The following CMTM4 variants were observed in gnomAD, a reference collection of about 807,000 sequenced individuals.
CMTM4 encodes CKLF like MARVEL transmembrane domain containing 4, also known as CKLF-like MARVEL transmembrane domain-containing protein 4.
CMTM4 carries 8 observed loss-of-function variants against 19.0 expected under a neutral mutation model. The observed-to-expected ratio is 0.42, with a 90% CI of 0.25 to 0.76. The LOEUF (loss-of-function observed/expected upper bound fraction) is 0.76. Among genes scored for constraint, CMTM4 ranks in the 30% least tolerant of loss-of-function variants. The pLI is 0.27. For missense variants in CMTM4, 228 were observed against 290.2 expected, an observed-to-expected ratio of 0.79 and a Z score of 1.56; for synonymous variants, 106 against 121.1, an observed-to-expected ratio of 0.88 and a Z score of 0.82.
At chr16:66,629,628 C>T (rs2015810524) in intron 2 of CMTM4, among the ~76,000 whole-genome samples, 1 of 152,118 alleles carries the variant, frequency 6.6e-6, no homozygotes, top group Admixed American at 6.5e-5. Flanking sequence ...AACGAAGTGA[C>T]TTTTGTGGGA....
intron 1 of CMTM4, among the ~76,000 whole-genome samples, chr16:66,659,122 G>A (rs1464790943): frequency 2.0e-5 from 3 of 152,168 alleles, no homozygotes; most frequent in Non-Finnish European, 4.4e-5. Context: ...GCTCACACCT[G>A]TAATCCCAGC....
intron 1 of CMTM4, among the ~76,000 whole-genome samples, chr16:66,669,690 C>T (rs1317915695): frequency 3.3e-5 from 5 of 152,188 alleles, no homozygotes; most frequent in Non-Finnish European, 5.9e-5. Context: ...TACAGACACT[C>T]GCTACCATGC....
At chr16:66,625,359 G>A (rs954113699) in intron 2 of CMTM4, among the ~76,000 whole-genome samples, 8 of 151,944 alleles carry the variant, frequency 5.3e-5, no homozygotes, top group Non-Finnish European at 8.8e-5. Flanking sequence ...GCTGGAACCC[G>A]GGAGGCGGAG....
At position 66,620,670 on chromosome 16, in the gene CMTM4, T is replaced by C; in HGVS notation, c.*1388A>G. On this transcript the variant is annotated 3_prime_UTR_variant, in exon 4 of 4. Coordinates refer to ENST00000394106, the MANE Select transcript of CMTM4 (RefSeq NM_181521.3). ...CTTGATCTTGGGGATTTCTCCATGT[T>C]ACTGCAAAATCTTCCTGCCACAGTA... 1 of 985,846 alleles carries C rather than the reference T, an allele frequency of 1.0e-6. No individual in the cohort carries two copies. The highest frequency in any genetic ancestry group is 1.2e-6 in the Non-Finnish European group (1 of 829,944). The allele number at this position is 985,846 out of a possible 1,614,324, so 61.1% of individuals were successfully genotyped here.
chr16:66,671,039 A>AT (rs1196091598), intron 1 of CMTM4, among the ~76,000 whole-genome samples: 1 of 152,110 alleles, frequency 6.6e-6, no homozygotes, highest in Admixed American at 6.6e-5. Context: ...AGGGACACAA[A>AT]TTTTTTTGTA....
At chr16:66,655,229 C>T (rs1206118326) in intron 1 of CMTM4, among the ~76,000 whole-genome samples, 1 of 152,094 alleles carries the variant, frequency 6.6e-6, no homozygotes. Context: ...CCTCGGCCTC[C>T]CAAAGTGCTG....
intron 1 of CMTM4, among the ~76,000 whole-genome samples, chr16:66,642,612 A>T (rs970199103): frequency 1.3e-5 from 2 of 152,148 alleles, no homozygotes; most frequent in African/African-American, 2.4e-5. Context: ...GCTAGGCAGG[A>T]GGCTGAGGCA....
At position 66,686,546 on chromosome 16, in the gene CMTM4, C is replaced by CAA. The variant is rs35913878; in HGVS notation, c.186+9792_186+9793dup. On this transcript the variant is annotated intron_variant, in intron 1 of 3. Coordinates refer to ENST00000394106, the MANE Select transcript of CMTM4 (RefSeq NM_181521.3). ...CCTGGGTGACAGTCAGACTCTGTCT[C>CAA]AAAAAAAAAAAAAAAAAAAAAGTTC... Among the ~76,000 whole-genome samples, 684 of 86,662 alleles carry CAA rather than the reference C, an allele frequency of 7.9e-3. 10 individuals are homozygous for CAA. Among genetic ancestry groups the CAA allele is most frequent in the African/African-American group, 9.0e-3 (179 of 19,986 alleles). 56.9% of individuals were successfully genotyped at this position (86,662 alleles called of 152,430 possible). A position where few individuals can be genotyped will look rare whatever the true frequency, so the allele number is the denominator to read the frequency against.
At chr16:66,654,669 C>A (rs1222994781) in intron 1 of CMTM4, among the ~76,000 whole-genome samples, 1 of 152,198 alleles carries the variant, frequency 6.6e-6, no homozygotes, top group South Asian at 2.1e-4. Context: ...GCCCGTGATC[C>A]CAGCTCTGCC....
intron 1 of CMTM4, among the ~76,000 whole-genome samples, chr16:66,691,558 A>G (rs748699637): frequency 1.3e-5 from 2 of 152,112 alleles, no homozygotes; most frequent in Non-Finnish European, 2.9e-5. Context: ...AAAATTAGCT[A>G]GGCATAGTGG....
intron 1 of CMTM4, among the ~76,000 whole-genome samples, chr16:66,681,152 G>A (rs1455870257): frequency 6.6e-6 from 1 of 152,054 alleles, no homozygotes. Flanking sequence ...TACTTTGGGA[G>A]GCTGAGGCAG....
Position 66,619,989 on chromosome 16 carries a change from GC to G in CMTM4, c.*2068del. 1 of 985,368 alleles carries G rather than the reference GC, an allele frequency of 1.0e-6. No individual in the cohort carries two copies. The highest frequency in any genetic ancestry group is 1.2e-6 in the Non-Finnish European group (1 of 829,918). 61.0% of individuals were successfully genotyped at this position (985,368 alleles called of 1,614,324 possible). ...CATATCCTCAGGAGGCCAACCACCT[GC>G]CCCCCTCTTTCACCAGATGATCAAG... On this transcript the variant is annotated 3_prime_UTR_variant, in exon 4 of 4. Transcript: ENST00000394106.
intron 1 of CMTM4, among the ~76,000 whole-genome samples, chr16:66,655,611 A>G (rs1415448047): frequency 6.6e-6 from 1 of 151,542 alleles, no homozygotes; most frequent in African/African-American, 2.4e-5. Flanking sequence ...TATACGAGAT[A>G]TAAGATCCAA....
intron 2 of CMTM4, among the ~76,000 whole-genome samples, chr16:66,632,680 G>A (rs1458741348): frequency 6.6e-6 from 1 of 152,076 alleles, no homozygotes; most frequent in Non-Finnish European, 1.5e-5. Flanking sequence ...ACGCCTTTTA[G>A]ATAGCGCCAC....
chr16:66,609,220 C>T, the CMTM4 span, among the ~76,000 whole-genome samples: 3 of 152,222 alleles, frequency 2.0e-5, no homozygotes, highest in Admixed American at 6.5e-5. This position sits in a 1 kb window ranked among gnomAD's most constrained non-coding sequence, Gnocchi z 4.4. Context: ...ACAGCAGCCC[C>T]GCTGGACCCG....
intron 1 of CMTM4, among the ~76,000 whole-genome samples, chr16:66,665,473 G>A (rs780247619): frequency 2.2e-4 from 33 of 152,126 alleles, no homozygotes; most frequent in Non-Finnish European, 3.2e-4. Flanking sequence ...GTCTGGGCAC[G>A]GTGGCTCACA....
intron 1 of CMTM4, among the ~76,000 whole-genome samples, chr16:66,644,534 T>C (rs2016154523): frequency 6.6e-6 from 1 of 152,258 alleles, no homozygotes; most frequent in South Asian, 2.1e-4. Flanking sequence ...CTTTGTCATT[T>C]AGTGTGTTTC....
intron 1 of CMTM4, among the ~76,000 whole-genome samples, chr16:66,685,977 G>A (rs570122991): frequency 6.6e-4 from 101 of 152,260 alleles, no homozygotes; most frequent in African/African-American, 2.3e-3. Flanking sequence ...TTCTGGAGCC[G>A]GGCATGGTGG....
intron 1 of CMTM4, among the ~76,000 whole-genome samples, chr16:66,657,238 C>T (rs564752345): frequency 1.3e-5 from 2 of 152,166 alleles, no homozygotes; most frequent in African/African-American, 4.8e-5. Context: ...GCACCCGCTA[C>T]CACGTCCGGC....
Sources: gnomAD v4.1 joint callset for allele counts (sites outside exome capture counted in the v4.1 genomes callset) on GRCh38, gnomAD v4.1.1 for gene constraint, Gnocchi (gnomAD v3.1) non-coding constraint, MANE v1.5 for transcripts, NCBI Gene and HGNC (gene_info 2026-07-23, HGNC 2026-07-21) for gene names.